The following FSD1L variants were observed in gnomAD, a reference collection of about 807,000 sequenced individuals.
The protein encoded by FSD1L is fibronectin type III and SPRY domain containing 1 like.
A neutral mutation model predicts 71.6 loss-of-function variants in FSD1L; 45 were observed. That is an observed-to-expected ratio of 0.63 (90% CI 0.49 to 0.81). The LOEUF (loss-of-function observed/expected upper bound fraction) is 0.81. Ranked by LOEUF, FSD1L falls within the 30% of genes least tolerant of loss-of-function variation. The probability of loss-of-function intolerance (pLI) is 0.00; values close to 1 mark genes in which losing one functional copy is unlikely to be tolerated. For missense variants in FSD1L, 561 were observed against 618.1 expected (o/e 0.91, Z 0.98); for synonymous variants, 197 against 207.2 (o/e 0.95, Z 0.42).
At chr9:105,528,494 C>T (rs960574828) in intron 10 of FSD1L, among the ~76,000 whole-genome samples, 2 of 152,210 alleles carry the variant, frequency 1.3e-5, no homozygotes, top group African/African-American at 4.8e-5. Flanking sequence ...CTACAACCAT[C>T]TCATCTTTGA....
At chr9:105,516,309 G>A (rs1834717906) in intron 10 of FSD1L, among the ~76,000 whole-genome samples, 1 of 152,218 alleles carries the variant, frequency 6.6e-6, no homozygotes, top group Admixed American at 6.5e-5. Context: ...GAAGAAAGCA[G>A]CGGACCTCCA....
chr9:105,484,431 A>G lies in FSD1L; in HGVS notation c.515A>G (p.Asp172Gly). 2 of 1,529,578 alleles carry G rather than the reference A, an allele frequency of 1.3e-6. No individual in the cohort carries two copies. Among genetic ancestry groups the G allele is most frequent in the Non-Finnish European group, 1.8e-6 (2 of 1,138,502 alleles). The allele number at this position is 1,529,578 out of a possible 1,614,324, so 94.8% of individuals were successfully genotyped here. ...FRLSLKPKVS[D>G]NMTHLMVDFS... ...CTTTCTTTGAAACCAAAGGTCAGTGACAACATGACTCATTTAATGGTGGAT... is the reference window on the plus strand; with the variant it reads ...CTTTCTTTGAAACCAAAGGTCAGTGGCAACATGACTCATTTAATGGTGGAT... Residue 172 changes from aspartate to glycine, a missense_variant, in exon 7 of 14, where the codon GAC becomes GGC. Physicochemically the swap from Asp to Gly is moderately conservative, Grantham distance 94 (BLOSUM62 -1). Around this residue, in one of 3 missense-constraint regions of FSD1L, gnomAD observed 410 missense variants for 413.5 expected, o/e 0.99. Transcript: ENST00000481272.
chr9:105,524,454 G>A, intron 10 of FSD1L: 1 of 1,613,416 alleles, frequency 6.2e-7, no homozygotes, highest in South Asian at 1.1e-5. Flanking sequence ...CTGGATCATG[G>A]CCTTACCTCT....
intron 3 of FSD1L, among the ~76,000 whole-genome samples, chr9:105,466,934 A>C (rs1831121758): frequency 6.6e-6 from 1 of 152,098 alleles, no homozygotes; most frequent in African/African-American, 2.4e-5. Flanking sequence ...GTAGTGGGGG[A>C]ATTAAACTAC....
chr9:105,483,590 G>A (rs139292840), intron 6 of FSD1L, among the ~76,000 whole-genome samples: 1 of 152,098 alleles, frequency 6.6e-6, no homozygotes, highest in African/African-American at 2.4e-5. Context: ...AAAATTAATA[G>A]AATAAGAGGA....
chr9:105,444,781 C>T (rs1365824794), upstream of FSD1L, among the ~76,000 whole-genome samples: 2 of 152,176 alleles, frequency 1.3e-5, no homozygotes, highest in African/African-American at 4.8e-5. Flanking sequence ...GTCCTCTCCC[C>T]GACCCCTTTT....
At chr9:105,502,043 T>C (rs1377405425) in intron 7 of FSD1L, among the ~76,000 whole-genome samples, 1 of 152,204 alleles carries the variant, frequency 6.6e-6, no homozygotes, top group Non-Finnish European at 1.5e-5. Flanking sequence ...TCTTCGATTT[T>C]ATATATTTTT....
At position 105,448,230 on chromosome 9, in the gene FSD1L, C is replaced by T; in HGVS notation, c.10C>T (p.Gln4Ter). Residue 4 changes from glutamine to a stop codon, truncating the protein, a stop_gained, in exon 1 of 14, where the codon CAG becomes TAG. Transcript: ENST00000481272. LOFTEE classifies it high-confidence loss of function. MDS[Q>*]KYCFKENENV... is the part of the protein sequence containing the mutation. Reference sequence around the variant, plus strand: ...GGCTTAGCCACTCGCCATGGACTCCCAGAAAGTAAGCGGGGGAGGGGAGCC... The same window carrying T: ...GGCTTAGCCACTCGCCATGGACTCCTAGAAAGTAAGCGGGGGAGGGGAGCC... 1 of 1,534,558 alleles carries T rather than the reference C, an allele frequency of 6.5e-7. No individual in the cohort carries two copies. The highest frequency in any genetic ancestry group is 8.8e-7 in the Non-Finnish European group (1 of 1,138,502).
intron 10 of FSD1L, among the ~76,000 whole-genome samples, chr9:105,528,818 A>G (rs1481793436): frequency 6.6e-6 from 1 of 152,250 alleles, no homozygotes. Context: ...GCACAGCAAA[A>G]GAAACTGTCA....
At chr9:105,458,396 G>A (rs1248216367) in intron 1 of FSD1L, among the ~76,000 whole-genome samples, 1 of 152,182 alleles carries the variant, frequency 6.6e-6, no homozygotes. Context: ...CCTTTTGGCG[G>A]TTCCTGAGTT....
At chr9:105,469,754 T>G (rs2131637050) in intron 4 of FSD1L, among the ~76,000 whole-genome samples, 1 of 152,142 alleles carries the variant, frequency 6.6e-6, no homozygotes, top group East Asian at 1.9e-4. Flanking sequence ...CTGTTGGTTG[T>G]TCTATTTGAT....
chr9:105,512,741 A>T, intron 9 of FSD1L, 66 bp from the exon 10 acceptor site: 1 of 857,734 alleles, frequency 1.2e-6, no homozygotes, highest in Non-Finnish European at 1.7e-6. Context: ...ATGTGGTGAT[A>T]GCTGTGTTTC....
rs1342189426 is a variant in FSD1L, at chr9:105,484,095, T to C, written c.465-286T>C. Among the ~76,000 whole-genome samples the C allele has an allele frequency of 2.6e-5, 4 of 152,292 alleles. No homozygotes were observed. The East Asian group carries it at 7.7e-4, about 29-fold the overall frequency. ...AGATGAATGTTGAGTCTGGTAAGGA[T>C]TATTTTTATTGGATATTTGTTGTTA... On this transcript the variant is annotated intron_variant, in intron 6 of 13. Transcript: ENST00000481272.
chr9:105,546,311 A>G lies in FSD1L; in HGVS notation c.1468-47A>G, dbSNP rs77270986. The G allele has an allele frequency of 1.7e-3, 2,519 of 1,483,812 alleles. 42 individuals are homozygous for G. In the African/African-American group the frequency reaches 0.033, roughly 19 times the overall value. 91.9% of individuals were successfully genotyped at this position (1,483,812 alleles called of 1,614,324 possible). On this transcript the variant is annotated intron_variant, in intron 13 of 13. Transcript: ENST00000481272. ...AAATGGAAATTTAAAAATCACTGAAATTCTAGTTTGATTTGCAATCTGACA... is the reference window on the plus strand; with the variant it reads ...AAATGGAAATTTAAAAATCACTGAAGTTCTAGTTTGATTTGCAATCTGACA...
intron 7 of FSD1L, among the ~76,000 whole-genome samples, chr9:105,488,232 C>T (rs1055280310): frequency 2.0e-5 from 3 of 152,180 alleles, no homozygotes; most frequent in African/African-American, 7.2e-5. Flanking sequence ...TTACTCTCTC[C>T]ATAGTTTTGC....
chr9:105,457,907 C>T (rs1830455765), intron 1 of FSD1L, among the ~76,000 whole-genome samples: 1 of 152,252 alleles, frequency 6.6e-6, no homozygotes, highest in Non-Finnish European at 1.5e-5. Flanking sequence ...AAGCATACTG[C>T]AAGTGGCTTC....
chr9:105,523,019 A>G, intron 10 of FSD1L: 1 of 1,614,150 alleles, frequency 6.2e-7, no homozygotes, highest in Non-Finnish European at 8.5e-7. Flanking sequence ...ATGATGGCCA[A>G]AAATTTGACA....
intron 3 of FSD1L, among the ~76,000 whole-genome samples, chr9:105,466,009 G>C (rs145011251): frequency 2.2e-4 from 34 of 151,562 alleles, no homozygotes; most frequent in African/African-American, 8.0e-4. Context: ...AGACTCTAAA[G>C]ACTCTACCAA....
intron 7 of FSD1L, among the ~76,000 whole-genome samples, chr9:105,493,052 C>G (rs1436090203): frequency 1.3e-5 from 2 of 152,070 alleles, no homozygotes; most frequent in Non-Finnish European, 1.5e-5. Context: ...TCCTGGATAT[C>G]CTTGTTAACT....
Sources: allele counts gnomAD v4.1 joint callset (sites outside exome capture counted in the v4.1 genomes callset), GRCh38; gene constraint gnomAD v4.1.1; regional missense constraint gnomAD v4.1.1; transcripts MANE v1.5; gene names NCBI Gene and HGNC (gene_info 2026-07-23, HGNC 2026-07-21).